The following ARHGAP24 variants were observed in gnomAD, a reference collection of about 807,000 sequenced individuals.
ARHGAP24 encodes rho GTPase-activating protein 24.
Under a neutral mutation model 76.4 loss-of-function variants are expected in ARHGAP24, and 50 were observed. The observed-to-expected ratio is 0.65, with a 90% CI of 0.52 to 0.83. ARHGAP24 has a LOEUF of 0.83. ARHGAP24 is among the 40% of genes least tolerant of loss of function. ARHGAP24 has a pLI of 0.00. For synonymous variants in ARHGAP24, 345 were observed against 323.3 expected, an observed-to-expected ratio of 1.07 and a Z score of -0.72; for missense variants, 930 against 914.2, an observed-to-expected ratio of 1.02 and a Z score of -0.22.
chr4:85,902,080 G>A (rs1734527279), intron 3 of ARHGAP24, among the ~76,000 whole-genome samples: 1 of 152,094 alleles, frequency 6.6e-6, no homozygotes, highest in East Asian at 1.9e-4. Flanking sequence ...GCAGTGTTTG[G>A]TTTTCTGTTC....
chr4:85,931,386 T>C (rs346499), intron 4 of ARHGAP24, among the ~76,000 whole-genome samples: 101,793 of 151,920 alleles, frequency 0.67, 35,683 homozygotes, highest in East Asian at 0.88. Flanking sequence ...CAAGCAGCCA[T>C]GTTCTGACCC....
chr4:85,836,977 GA>G (rs147271876), intron 3 of ARHGAP24, among the ~76,000 whole-genome samples: 1,688 of 152,298 alleles, frequency 0.011, 31 homozygotes, highest in African/African-American at 0.038. Context: ...TGCCAAAAAG[GA>G]GGGGGAAAAA....
chr4:85,959,843 C>A (rs1226243003), intron 5 of ARHGAP24, among the ~76,000 whole-genome samples: 1 of 152,130 alleles, frequency 6.6e-6, no homozygotes, highest in Non-Finnish European at 1.5e-5. Context: ...TTTATTCTAC[C>A]CATTCTAGTG....
intron 3 of ARHGAP24, among the ~76,000 whole-genome samples, chr4:85,821,077 TA>T (rs1436824589): frequency 1.3e-5 from 2 of 152,024 alleles, no homozygotes; most frequent in African/African-American, 2.4e-5. Flanking sequence ...AAATAATAAA[TA>T]AAAAATGTAT....
At chr4:85,624,388 T>C (rs992957921) in intron 2 of ARHGAP24, among the ~76,000 whole-genome samples, 1 of 152,174 alleles carries the variant, frequency 6.6e-6, no homozygotes, top group African/African-American at 2.4e-5. Flanking sequence ...TGGATTACAT[T>C]TATTGATTTG....
chr4:85,598,676 A>G (rs766570), intron 2 of ARHGAP24, among the ~76,000 whole-genome samples: 81,607 of 151,206 alleles, frequency 0.54, 23,241 homozygotes, highest in Non-Finnish European at 0.64. Context: ...ATTTGATTAT[A>G]TGATCCTAGA....
intron 3 of ARHGAP24, among the ~76,000 whole-genome samples, chr4:85,829,065 C>G (rs1729860417): frequency 6.6e-6 from 1 of 151,994 alleles, no homozygotes; most frequent in Admixed American, 6.5e-5. Context: ...CAATAGCATA[C>G]TTAAAAAATT....
chr4:85,957,033 G>C (rs1350688387), intron 5 of ARHGAP24, among the ~76,000 whole-genome samples: 1 of 152,046 alleles, frequency 6.6e-6, no homozygotes, highest in Non-Finnish European at 1.5e-5. Context: ...TCCTGTTTTT[G>C]CCTAATTAGT....
chr4:85,484,356 A>G (rs2110088806), intron 1 of ARHGAP24, among the ~76,000 whole-genome samples: 1 of 152,310 alleles, frequency 6.6e-6, no homozygotes, highest in East Asian at 1.9e-4. Context: ...AACACTGGGT[A>G]TTTTATTAAT....
intron 3 of ARHGAP24, among the ~76,000 whole-genome samples, chr4:85,883,065 G>A (rs1265777120): frequency 1.3e-5 from 2 of 152,144 alleles, no homozygotes; most frequent in Non-Finnish European, 2.9e-5. Flanking sequence ...AAGCAAATCA[G>A]CAGGGATACT....
intron 1 of ARHGAP24, among the ~76,000 whole-genome samples, chr4:85,511,794 T>C (rs1382250622): frequency 6.6e-6 from 1 of 152,190 alleles, no homozygotes; most frequent in Non-Finnish European, 1.5e-5. Context: ...TTTTGGAGGT[T>C]AGAAGTGCAG....
intron 1 of ARHGAP24, among the ~76,000 whole-genome samples, chr4:85,509,660 A>G (rs1379915915): frequency 2.0e-5 from 3 of 152,094 alleles, no homozygotes; most frequent in Non-Finnish European, 1.5e-5. Context: ...AAAGCACAAT[A>G]AAGATCTGGT....
chr4:85,779,309 A>G (rs1239863077), intron 3 of ARHGAP24, among the ~76,000 whole-genome samples: 8 of 152,164 alleles, frequency 5.3e-5, no homozygotes, highest in Non-Finnish European at 8.8e-5. Context: ...AGCATTACAA[A>G]ATGTACAGAA....
intron 5 of ARHGAP24, among the ~76,000 whole-genome samples, chr4:85,956,868 T>G (rs912617534): frequency 1.3e-5 from 2 of 152,042 alleles, no homozygotes; most frequent in African/African-American, 4.8e-5. Flanking sequence ...GAGAGTGCAG[T>G]TGCAAGATTT....
intron 1 of ARHGAP24, among the ~76,000 whole-genome samples, chr4:85,483,651 T>TATAA (rs546516952): frequency 2.4e-3 from 362 of 152,140 alleles, no homozygotes; most frequent in African/African-American, 8.3e-3. Flanking sequence ...AAATAAAAAA[T>TATAA]ATAAATAAAT....
In ARHGAP24 at chr4:85,602,116, A is replaced by G. The variant is rs142889262; in HGVS notation, c.180+31395A>G. 2.6e-3 allele frequency among the ~76,000 whole-genome samples: 399 copies of G among 152,332 alleles called. 3 individuals carry two copies. The highest frequency in any genetic ancestry group is 8.4e-3 in the African/African-American group (350 of 41,574). On this transcript the variant is annotated intron_variant, in intron 2 of 9. Transcript: ENST00000395184. ...ATAGAGCTTTTAGGGAGATGTTTAC[A>G]TTGCTATTTCCAGAATTTTATCTTT...
chr4:85,572,001 C>T (rs1449038156), intron 2 of ARHGAP24, among the ~76,000 whole-genome samples: 6 of 152,106 alleles, frequency 3.9e-5, no homozygotes, highest in African/African-American at 1.4e-4. Context: ...CTTTCCATAT[C>T]TGTTATTTCA....
At chr4:85,713,795 G>A (rs1413316037) in intron 2 of ARHGAP24, among the ~76,000 whole-genome samples, 1 of 152,110 alleles carries the variant, frequency 6.6e-6, no homozygotes, top group East Asian at 1.9e-4. Flanking sequence ...TTGTTGGCAG[G>A]TGGTTTTGTG....
intron 3 of ARHGAP24, among the ~76,000 whole-genome samples, chr4:85,882,608 T>C (rs923654953): frequency 6.6e-6 from 1 of 152,190 alleles, no homozygotes; most frequent in African/African-American, 2.4e-5. Flanking sequence ...TTCTATTTTG[T>C]ATTCTAGTTG....
Sources: allele counts gnomAD v4.1 joint callset (sites outside exome capture counted in the v4.1 genomes callset), GRCh38; gene constraint gnomAD v4.1.1; transcripts MANE v1.5; gene names NCBI Gene and HGNC (gene_info 2026-07-23, HGNC 2026-07-21).